PET100: variants seen among roughly 807,000 people sequenced by gnomAD.
PET100 encodes the protein protein PET100 homolog, mitochondrial.
PET100 carries 13 observed loss-of-function variants against 13.6 expected under a neutral mutation model. The observed-to-expected ratio is 0.96, with a 90% CI of 0.62 to 1.52. The LOEUF is 1.52. Among genes scored for constraint, PET100 ranks in the 40% most tolerant of loss-of-function variants. The probability of loss-of-function intolerance (pLI) is 0.00; values close to 1 mark genes in which losing one functional copy is unlikely to be tolerated. For missense variants in PET100, 94 were observed against 95.3 expected, an observed-to-expected ratio of 0.99 and a Z score of 0.06; for synonymous variants, 28 against 30.8, an observed-to-expected ratio of 0.91 and a Z score of 0.30.
intron 1 of PET100, chr19:7,630,257 C>G: frequency 2.2e-6 from 1 of 456,694 alleles, no homozygotes; most frequent in South Asian, 3.0e-5. Context: ...GGGGTGCTCC[C>G]GGGATCTTAA....
intron 1 of PET100, 87 bp from the exon 2 acceptor site, chr19:7,630,486 C>G: frequency 9.1e-7 from 1 of 1,093,070 alleles, no homozygotes; most frequent in East Asian, 2.6e-5. Flanking sequence ...CTTCTGGACT[C>G]TGCAGTAGGA....
At position 7,630,373 on chromosome 19, in the gene PET100, C is replaced by T. The variant is rs906805213; in HGVS notation, c.28-200C>T. ...AAGACTCCAGCTCAGAGGGAACTTTCAGGAATGAGGCCTCCTGGATTATAG... is the reference window on the plus strand; with the variant it reads ...AAGACTCCAGCTCAGAGGGAACTTTTAGGAATGAGGCCTCCTGGATTATAG... On this transcript the variant is annotated intron_variant, in intron 1 of 3. Transcript: ENST00000594797. 1.5e-5 allele frequency: 9 copies of T among 592,014 alleles called. 1 individual carries two copies. The Admixed American group carries it at 2.7e-4, about 18-fold the overall frequency. 36.7% of individuals were successfully genotyped at this position (592,014 alleles called of 1,614,324 possible).
intron 3 of PET100, chr19:7,631,241 A>G (rs1178879046): frequency 7.1e-7 from 1 of 1,411,154 alleles, no homozygotes; most frequent in South Asian, 1.6e-5. Flanking sequence ...GCCATGAGTA[A>G]GGAACCGAGA....
rs939258357 is a variant in PET100 at position 7,631,876 on chromosome 19, T to C, written c.*320T>C. The C allele has an allele frequency of 7.4e-7, 1 of 1,355,836 alleles. No individual in the cohort carries two copies. Among genetic ancestry groups the C allele is most frequent in the South Asian group, 2.3e-5 (1 of 43,420 alleles). The allele number at this position is 1,355,836 out of a possible 1,614,324, so 84.0% of individuals were successfully genotyped here. On this transcript the variant is annotated 3_prime_UTR_variant, in exon 4 of 4. Coordinates refer to ENST00000594797, the MANE Select transcript of PET100 (RefSeq NM_001171155.2). ...AGTGCCGGCCACAGGTGGCGAACAA[T>C]GGAGAGAGGGTGCAGGTAGCCACCG...
chr19:7,630,015 G>A, intron 1 of PET100, 155 bp downstream of exon 1: 1 of 992,620 alleles, frequency 1.0e-6, no homozygotes, highest in African/African-American at 1.7e-5. Context: ...AAATCCAGGA[G>A]AGGGGACGCT....
chr19:7,630,334 CTGTG>C, intron 1 of PET100: 1 of 566,168 alleles, frequency 1.8e-6, no homozygotes, highest in East Asian at 2.9e-5. Context: ...GTGTGTCTGT[CTGTG>C]TTTGAGAGGA....
chr19:7,631,105 G>T (rs2031275217), intron 3 of PET100: 2 of 757,492 alleles, frequency 2.6e-6, no homozygotes, highest in South Asian at 3.8e-5. Flanking sequence ...CTGCTTGGGA[G>T]GCTGAGGGAG....
At chr19:7,631,006 C>A in intron 3 of PET100, 160 bp downstream of exon 3, 1 of 953,746 alleles carries the variant, frequency 1.0e-6, no homozygotes, top group Non-Finnish European at 1.6e-6. Context: ...GTCAGGAGTT[C>A]AAAACCAGCC....
Position 7,629,835 on chromosome 19 carries a change from TG to T in PET100, c.7del (p.Val3?). 6.5e-7 allele frequency: 1 copy of T among 1,536,026 alleles called. No individual in the cohort carries two copies. Among genetic ancestry groups the T allele is most frequent in the Non-Finnish European group, 8.7e-7 (1 of 1,146,520 alleles). ...GCTTTGTTGACCGGGAGAAACGAGA[TG>T]GGGGTGAAGCTGGAGATATTTCGGG... MGVKLEIFRMI... is the reference protein window; with the variant it reads XGVKLEIFRMI... On this transcript the variant is annotated frameshift_variant and start_lost, in exon 1 of 4. Coordinates refer to ENST00000594797, the MANE Select transcript of PET100 (RefSeq NM_001171155.2). LOFTEE classifies it high-confidence loss of function.
In PET100 at chr19:7,630,595, C is replaced by T. The variant is rs771570776; in HGVS notation, c.50C>T (p.Pro17Leu). 3 of 1,537,186 alleles carry T rather than the reference C, an allele frequency of 2.0e-6. No homozygotes were observed. Among genetic ancestry groups the T allele is most frequent in the South Asian group, 2.4e-5 (2 of 84,066 alleles). Residue 17 changes from proline to leucine, a missense_variant, in exon 2 of 4, where the codon CCT (proline) becomes CTT (leucine). Coordinates refer to ENST00000594797, the MANE Select transcript of PET100 (RefSeq NM_001171155.2). Reference sequence around the variant, plus strand: ...CAGATGATAATCTACCTCACTTTCCCTGTGGCTATGTTCTGGGTTTCCAAT... The same window carrying T: ...CAGATGATAATCTACCTCACTTTCCTTGTGGCTATGTTCTGGGTTTCCAAT... ...IFRMIIYLTF[P>L]VAMFWVSNQA... is the part of the protein sequence containing the mutation.
intron 3 of PET100, chr19:7,631,076 C>G (rs1243141962): frequency 1.4e-6 from 1 of 733,992 alleles, no homozygotes. Context: ...GGCATGGTGG[C>G]AGGCGCCTAT....
At chr19:7,631,399 CGG>C (rs1203991530) in intron 3 of PET100, 72 bp from the exon 4 acceptor site, 6 of 584,112 alleles carry the variant, frequency 1.0e-5, no homozygotes, top group Non-Finnish European at 1.2e-5. Flanking sequence ...GAGAGGTGGG[CGG>C]GGGGGGGTGG....
Position 7,631,483 on chromosome 19 carries a change from T to G in PET100, c.149T>G (p.Ile50Arg). 6.5e-7 allele frequency: 1 copy of G among 1,535,170 alleles called. No individual in the cohort carries two copies. The highest frequency in any genetic ancestry group is 2.5e-5 in the East Asian group (1 of 40,794). Reference sequence around the variant, plus strand: ...CTTCTCCACCCCTAGCTTCAAGAGATAGAGGAATTCAAAGAGAGGTTACGG... The same window carrying G: ...CTTCTCCACCCCTAGCTTCAAGAGAGAGAGGAATTCAAAGAGAGGTTACGG... ...ELWPPEKLQE[I>R]EEFKERLRKR... is the part of the protein sequence containing the mutation. Residue 50 changes from isoleucine (I) to arginine (R), a missense_variant, in exon 4 of 4, where the codon ATA becomes AGA. Ile to Arg is a moderately conservative substitution (Grantham distance 97). Transcript: ENST00000594797.
chr19:7,631,690 C>T lies in PET100; in HGVS notation c.*134C>T, dbSNP rs753947010. 115 of 1,454,296 alleles carry T rather than the reference C, an allele frequency of 7.9e-5. No homozygotes were observed. Among genetic ancestry groups the T allele is most frequent in the Non-Finnish European group, 8.8e-5 (97 of 1,102,490 alleles). 90.1% of individuals were successfully genotyped at this position (1,454,296 alleles called of 1,614,324 possible). ...TGAGACCCAGGATGCCTCAGGCCCT[C>T]AGGGGGCTTGTGTCGGGGGCTGGGG... On this transcript the variant is annotated 3_prime_UTR_variant, in exon 4 of 4. Coordinates refer to ENST00000594797, the MANE Select transcript of PET100 (RefSeq NM_001171155.2).
Position 7,631,879 on chromosome 19 carries a change from A to AG in PET100, c.*324dup. On this transcript the variant is annotated 3_prime_UTR_variant, in exon 4 of 4. Coordinates refer to ENST00000594797, the MANE Select transcript of PET100 (RefSeq NM_001171155.2). ...GCCGGCCACAGGTGGCGAACAATGG[A>AG]GAGAGGGTGCAGGTAGCCACCGTGT... is the stretch of plus-strand genomic sequence containing the variant. 2 of 1,350,124 alleles carry AG rather than the reference A, an allele frequency of 1.5e-6. No individual in the cohort carries two copies. Among genetic ancestry groups the AG allele is most frequent in the Non-Finnish European group, 1.9e-6 (2 of 1,040,170 alleles). 83.6% of individuals were successfully genotyped at this position (1,350,124 alleles called of 1,614,324 possible).
At chr19:7,631,264 A>G (rs1025721741) in intron 3 of PET100, 1 of 1,414,940 alleles carries the variant, frequency 7.1e-7, no homozygotes, top group African/African-American at 1.4e-5. Flanking sequence ...AGAGGAGTAG[A>G]TGGTTTCCTT....
chr19:7,631,684 G>C lies in PET100; in HGVS notation c.*128G>C. 6.9e-7 allele frequency: 1 copy of C among 1,459,368 alleles called. No individual in the cohort carries two copies. Among genetic ancestry groups the C allele is most frequent in the Non-Finnish European group, 9.0e-7 (1 of 1,105,574 alleles). 90.4% of individuals were successfully genotyped at this position (1,459,368 alleles called of 1,614,324 possible). The stretch of plus-strand genomic sequence containing the variant: ...GCCGAGTGAGACCCAGGATGCCTCA[G>C]GCCCTCAGGGGGCTTGTGTCGGGGG... On this transcript the variant is annotated 3_prime_UTR_variant, in exon 4 of 4. Transcript: ENST00000594797.
chr19:7,629,841 T>G lies in PET100; in HGVS notation c.8T>G (p.Val3Gly), dbSNP rs567171903. ...TTGACCGGGAGAAACGAGATGGGGG[T>G]GAAGCTGGAGATATTTCGGGTCAGT... MG[V>G]KLEIFRMIIY... The change falls in exon 1 of 4, where the codon GTG (valine) becomes GGG (glycine). Residue 3 changes from valine to glycine, a missense_variant. By Grantham distance (109) the Val-to-Gly change is moderately radical (BLOSUM62 -3). Transcript: ENST00000594797. 1 of 1,535,576 alleles carries G rather than the reference T, an allele frequency of 6.5e-7. No homozygotes were observed.
chr19:7,630,831 G>A lies in PET100; in HGVS notation c.123G>A (p.Leu41=), dbSNP rs1393563412. The A allele has an allele frequency of 6.5e-7, 1 of 1,537,236 alleles. No individual in the cohort carries two copies. Among genetic ancestry groups the A allele is most frequent in the Non-Finnish European group, 8.7e-7 (1 of 1,146,916 alleles). The part of the protein sequence containing the change: ...EDDVIQRKRE[L]WPPEKLQEIE... ...GTGACTTTTCCTTACAGAGGGAGCT[G>A]TGGCCACCTGAGAAGGTAAGTGATC... The change falls in exon 3 of 4, where the codon CTG becomes CTA. Residue 41 remains leucine, a synonymous_variant. Transcript: ENST00000594797.
Sources: gnomAD v4.1 joint callset for allele counts on GRCh38, gnomAD v4.1.1 for gene constraint, MANE v1.5 for transcripts, NCBI Gene and HGNC (gene_info 2026-07-23, HGNC 2026-07-21) for gene names.